NDC80: variants seen among roughly 807,000 people sequenced by gnomAD.
NDC80 encodes the protein kinetochore protein NDC80 homolog.
A neutral mutation model predicts 89.3 loss-of-function variants in NDC80; 69 were observed. The observed-to-expected ratio is 0.77, with a 90% CI of 0.64 to 0.94. The LOEUF (loss-of-function observed/expected upper bound fraction) is 0.94. Among genes scored for constraint, NDC80 ranks in the 40% least tolerant of loss-of-function variants. The probability of loss-of-function intolerance (pLI) is 0.00; values close to 1 mark genes in which losing one functional copy is unlikely to be tolerated. For missense variants in NDC80, 593 were observed against 739.6 expected (o/e 0.80, Z 2.30); for synonymous variants, 243 against 255.6 (o/e 0.95, Z 0.47).
intron 16 of NDC80, among the ~76,000 whole-genome samples, chr18:2,615,933 T>C (rs1162532636): frequency 5.3e-5 from 8 of 152,152 alleles, no homozygotes; most frequent in Admixed American, 5.2e-4. Flanking sequence ...CAAAACACCA[T>C]TCAGGCAAGA....
At chr18:2,580,731 A>T (rs1292934176) in intron 6 of NDC80, among the ~76,000 whole-genome samples, 49 of 55,452 alleles carry the variant, frequency 8.8e-4, no homozygotes, top group Admixed American at 2.7e-3. Context: ...TCACCATCAG[A>T]TTTTTTTTTT....
intron 11 of NDC80, among the ~76,000 whole-genome samples, chr18:2,595,864 A>G (rs1374699446): frequency 6.6e-6 from 1 of 152,252 alleles, no homozygotes; most frequent in Non-Finnish European, 1.5e-5. Flanking sequence ...CTCTAAAACT[A>G]TGAAAATAAT....
intron 13 of NDC80, among the ~76,000 whole-genome samples, chr18:2,604,056 A>T (rs1301572301): frequency 1.3e-5 from 2 of 152,110 alleles, no homozygotes; most frequent in African/African-American, 2.4e-5. Context: ...TTGAAACTGA[A>T]ATTTATGCAG....
rs577384827 is a variant in NDC80, at chr18:2,589,071, T to A, written c.764-133T>A. On this transcript the variant is annotated intron_variant, in intron 8 of 16. Coordinates refer to ENST00000261597, the MANE Select transcript of NDC80 (RefSeq NM_006101.3). ...GAAAGGGTTTGCTGTTTTACAAGGA[T>A]GGGATGTACTTCACTAATAGTGTTT... 1.1e-5 allele frequency: 7 copies of A among 641,314 alleles called. No homozygotes were observed. The African/African-American group carries it at 1.3e-4, about 12-fold the overall frequency. 39.7% of individuals were successfully genotyped at this position (641,314 alleles called of 1,614,324 possible).
intron 16 of NDC80, among the ~76,000 whole-genome samples, chr18:2,615,614 T>C (rs1445618022): frequency 6.6e-6 from 1 of 152,224 alleles, no homozygotes; most frequent in African/African-American, 2.4e-5. Context: ...CACAGGTTCC[T>C]TTCTGGAATT....
At chr18:2,575,888 G>A (rs187936789) in intron 3 of NDC80, among the ~76,000 whole-genome samples, 24 of 152,276 alleles carry the variant, frequency 1.6e-4, no homozygotes, top group Admixed American at 1.1e-3. Flanking sequence ...TCATACCACT[G>A]AACTCCACCT....
At chr18:2,573,203 T>C in intron 2 of NDC80, 117 bp downstream of exon 2, 1 of 754,910 alleles carries the variant, frequency 1.3e-6, no homozygotes, top group South Asian at 2.5e-5. Flanking sequence ...ATCTTGTCTG[T>C]TCCCAGGGGT....
intron 3 of NDC80, among the ~76,000 whole-genome samples, chr18:2,576,889 G>A (rs768240003): frequency 1.8e-4 from 28 of 152,084 alleles, no homozygotes; most frequent in African/African-American, 6.5e-4. Context: ...ATAACTTTAA[G>A]ACAAACCTGT....
chr18:2,605,983 C>T (rs2143664274), intron 13 of NDC80, among the ~76,000 whole-genome samples: 2 of 152,000 alleles, frequency 1.3e-5, no homozygotes, highest in Middle Eastern at 3.4e-3. Flanking sequence ...TAGCAAACAT[C>T]CAATAAAATT....
chr18:2,612,446 GC>G (rs2072750739), intron 16 of NDC80, among the ~76,000 whole-genome samples: 1 of 151,736 alleles, frequency 6.6e-6, no homozygotes, highest in African/African-American at 2.4e-5. Flanking sequence ...GTGCCACCAT[GC>G]CCGGCCAGTA....
intron 13 of NDC80, among the ~76,000 whole-genome samples, chr18:2,605,274 ATGTGTGTGTGTGTGTGTGTGTGTGTG>A (rs60324126): frequency 3.9e-5 from 5 of 127,178 alleles, no homozygotes; most frequent in African/African-American, 9.3e-5. Context: ...GGCTATATGT[ATGTGTGTGTGTGTGTGTGTGTGTGTG>A]TGTGTGTGTG....
In NDC80 at chr18:2,577,834, G is replaced by A; in HGVS notation, c.268G>A (p.Ala90Thr). Residue 90 changes from alanine (A) to threonine (T), a missense_variant, in exon 4 of 17, where the codon GCA becomes ACA. Physicochemically the swap from Ala to Thr is moderately conservative, Grantham distance 58 (BLOSUM62 0). Transcript: ENST00000261597. ...GGACCCGAGACCACTTAATGACAAA[G>A]CATTCATTCAGCAGTGTATTCGACA... ...IKDPRPLNDKAFIQQCIRQLC... is the reference protein window; with the variant it reads ...IKDPRPLNDKTFIQQCIRQLC... 6.2e-7 allele frequency: 1 copy of A among 1,614,056 alleles called. No individual in the cohort carries two copies. The highest frequency in any genetic ancestry group is 8.5e-7 in the Non-Finnish European group (1 of 1,179,998).
intron 14 of NDC80, among the ~76,000 whole-genome samples, chr18:2,608,063 G>C (rs1465170513): frequency 7.0e-6 from 1 of 142,594 alleles, no homozygotes; most frequent in East Asian, 2.1e-4. Context: ...TAATGTTGCT[G>C]TGAATATCTT....
At chr18:2,609,533 A>G (rs1228198555) in intron 15 of NDC80, among the ~76,000 whole-genome samples, 1 of 152,226 alleles carries the variant, frequency 6.6e-6, no homozygotes, top group East Asian at 1.9e-4. Context: ...AGTAACACAT[A>G]TAAACAAAAG....
chr18:2,604,959 C>G (rs902544040), intron 13 of NDC80, among the ~76,000 whole-genome samples: 1 of 151,934 alleles, frequency 6.6e-6, no homozygotes, highest in Non-Finnish European at 1.5e-5. Context: ...CTATCAATAT[C>G]CTATACAGTG....
rs1048053085 is a variant in NDC80, at chr18:2,597,940, C to T, written c.1222-1079C>T. 3.3e-5 allele frequency among the ~76,000 whole-genome samples: 5 copies of T among 152,074 alleles called. No homozygotes were observed. The South Asian group carries it at 6.2e-4, about 19-fold the overall frequency. On this transcript the variant is annotated intron_variant, in intron 11 of 16. Coordinates refer to ENST00000261597, the MANE Select transcript of NDC80 (RefSeq NM_006101.3). Reference sequence around the variant, plus strand: ...AATGGGGATGGATGTGTTATATCCACGTCCAAGTGAAAATAGGTAATAGGC... The same window carrying T: ...AATGGGGATGGATGTGTTATATCCATGTCCAAGTGAAAATAGGTAATAGGC...
At chr18:2,577,933 T>C in intron 4 of NDC80, 36 bp from the exon 5 acceptor site, 1 of 1,609,352 alleles carries the variant, frequency 6.2e-7, no homozygotes, top group Non-Finnish European at 8.5e-7. Context: ...AATTTTCCAT[T>C]ACAAAACGTT....
chr18:2,587,644 CA>C lies in NDC80; in HGVS notation c.670-185del, dbSNP rs3215265. On this transcript the variant is annotated intron_variant, in intron 7 of 16. Transcript: ENST00000261597. ...CCTCATTATTCATATTTAGAAGTAG[CA>C]GACTAAATAAGTCCATATAGCATAA... Among the ~76,000 whole-genome samples, 33 of 152,252 alleles carry C rather than the reference CA, an allele frequency of 2.2e-4. 1 individual carries two copies. The East Asian group carries it at 6.4e-3, about 29-fold the overall frequency.
chr18:2,584,756 CTTAG>C (rs2072595850), intron 6 of NDC80, among the ~76,000 whole-genome samples: 1 of 152,150 alleles, frequency 6.6e-6, no homozygotes. Flanking sequence ...GTTTTGGATT[CTTAG>C]TTAAAGTTGC....
Sources: allele counts gnomAD v4.1 joint callset (sites outside exome capture counted in the v4.1 genomes callset), GRCh38; gene constraint gnomAD v4.1.1; transcripts MANE v1.5; gene names NCBI Gene and HGNC (gene_info 2026-07-23, HGNC 2026-07-21).